Variants in ATXN7L1 observed in about 807,000 individuals in gnomAD.
ATXN7L1 encodes the protein ataxin-7-like protein 1.
Under a neutral mutation model 70.8 loss-of-function variants are expected in ATXN7L1, and 15 were observed. The observed-to-expected ratio is 0.21, with a 90% CI of 0.14 to 0.33. The LOEUF (loss-of-function observed/expected upper bound fraction) is 0.33. Ranked by LOEUF, ATXN7L1 falls within the 10% of genes least tolerant of loss-of-function variation. The probability of loss-of-function intolerance (pLI) is 1.00; values close to 1 mark genes in which losing one functional copy is unlikely to be tolerated. For missense variants in ATXN7L1, 975 were observed against 1,097.1 expected (o/e 0.89, Z 1.57); for synonymous variants, 440 against 445.1 (o/e 0.99, Z 0.14).
chr7:105,827,300 CA>C (rs763254950), intron 2 of ATXN7L1, among the ~76,000 whole-genome samples: 1 of 152,188 alleles, frequency 6.6e-6, no homozygotes, highest in African/African-American at 2.4e-5. Context: ...ATTCATTAAA[CA>C]TTTAAACCAT....
intron 2 of ATXN7L1, among the ~76,000 whole-genome samples, chr7:105,804,216 C>T (rs1169941599): frequency 6.6e-6 from 1 of 152,174 alleles, no homozygotes; most frequent in African/African-American, 2.4e-5. Context: ...CAGGTGATAG[C>T]CATGCTGAGA....
At position 105,619,148 on chromosome 7, in the gene ATXN7L1, T is replaced by TTTTTTTTTTTTTTTTTTG. The variant is rs1794412605; in HGVS notation, c.1517+1034_1517+1051dup. Among the ~76,000 whole-genome samples, 2 of 111,622 alleles carry TTTTTTTTTTTTTTTTTTG rather than the reference T, an allele frequency of 1.8e-5. 1 individual carries two copies. Among genetic ancestry groups the TTTTTTTTTTTTTTTTTTG allele is most frequent in the African/African-American group, 6.7e-5 (2 of 29,704 alleles). 73.2% of individuals were successfully genotyped at this position (111,622 alleles called of 152,430 possible). ...CCATAATGAAATCTTTAGTTTTTTT[T>TTTTTTTTTTTTTTTTTTG]TTTTTTTTTTTTTTTTTGAGACGGA... On this transcript the variant is annotated intron_variant, in intron 9 of 11. Transcript: ENST00000419735.
chr7:105,668,763 G>T (rs979157226), intron 3 of ATXN7L1, among the ~76,000 whole-genome samples: 1 of 152,032 alleles, frequency 6.6e-6, no homozygotes, highest in African/African-American at 2.4e-5. Context: ...GTAAGGCCAG[G>T]CATGGTGGCT....
At chr7:105,623,985 C>T (rs886326587) in intron 8 of ATXN7L1, 90 bp downstream of exon 8, 44 of 1,218,576 alleles carry the variant, frequency 3.6e-5, no homozygotes, top group African/African-American at 6.3e-5. Flanking sequence ...GCAGCCTTGC[C>T]TTAGGAAGGA....
intron 7 of ATXN7L1, among the ~76,000 whole-genome samples, chr7:105,637,109 G>A (rs183688646): frequency 2.0e-4 from 31 of 152,278 alleles, no homozygotes; most frequent in Admixed American, 6.5e-4. Flanking sequence ...GTAACGCCAC[G>A]ATGGTGAGCA....
intron 3 of ATXN7L1, among the ~76,000 whole-genome samples, chr7:105,680,112 A>G (rs1403963808): frequency 6.6e-6 from 1 of 152,144 alleles, no homozygotes; most frequent in African/African-American, 2.4e-5. Flanking sequence ...TTAAGACACA[A>G]AAGTATTCCA....
chr7:105,813,119 T>G (rs550282262), intron 2 of ATXN7L1, among the ~76,000 whole-genome samples: 1 of 152,226 alleles, frequency 6.6e-6, no homozygotes, highest in East Asian at 1.9e-4. Context: ...TACCTACTTG[T>G]ATGACTTCAT....
chr7:105,766,760 G>T (rs911054613), intron 3 of ATXN7L1, among the ~76,000 whole-genome samples: 1 of 152,198 alleles, frequency 6.6e-6, no homozygotes, highest in Non-Finnish European at 1.5e-5. Flanking sequence ...GGACAGTGCT[G>T]GAAGAGAATC....
chr7:105,621,811 C>T (rs1264689779), intron 8 of ATXN7L1, among the ~76,000 whole-genome samples: 1 of 152,216 alleles, frequency 6.6e-6, no homozygotes, highest in Non-Finnish European at 1.5e-5. Flanking sequence ...ATTCCACAAA[C>T]CCGTCCTGGA....
intron 3 of ATXN7L1, among the ~76,000 whole-genome samples, chr7:105,768,501 C>T (rs561668171): frequency 2.6e-5 from 4 of 152,310 alleles, no homozygotes; most frequent in East Asian, 1.9e-4. Flanking sequence ...TACTAACAAG[C>T]GACTCTAAGC....
intron 3 of ATXN7L1, among the ~76,000 whole-genome samples, chr7:105,740,787 T>TTTTTTTTTTTTTTTTTTTTTGGGGC (rs1797930812): frequency 1.3e-5 from 1 of 79,280 alleles, no homozygotes; most frequent in East Asian, 5.6e-4. Flanking sequence ...TTTTTTTTAA[T>TTTTTTTTTTTTTTTTTTTTTGGGGC]GGAGTCTCAC....
At chr7:105,811,201 A>C (rs1434125287) in intron 2 of ATXN7L1, among the ~76,000 whole-genome samples, 7 of 152,198 alleles carry the variant, frequency 4.6e-5, no homozygotes, top group Admixed American at 2.6e-4. Flanking sequence ...TACGACGAGG[A>C]GAAGAGACAC....
Position 105,721,559 on chromosome 7 carries a change from G to T in ATXN7L1, c.356-56271C>A, listed in dbSNP as rs150787867. On this transcript the variant is annotated intron_variant, in intron 3 of 11. Coordinates refer to ENST00000419735, the MANE Select transcript of ATXN7L1 (RefSeq NM_020725.2). The stretch of plus-strand genomic sequence containing the variant: ...CCACGCCTGAGGCTTTGCCACATGG[G>T]AAGTAGTCTCCTCCCAGGGCTCTGG... 4.1e-3 allele frequency among the ~76,000 whole-genome samples: 628 copies of T among 152,346 alleles called. 3 individuals carry two copies. Among genetic ancestry groups the T allele is most frequent in the African/African-American group, 0.014 (571 of 41,566 alleles).
Position 105,819,737 on chromosome 7 carries a change from G to A in ATXN7L1, c.251-31029C>T. On this transcript the variant is annotated intron_variant, in intron 2 of 11. Coordinates refer to ENST00000419735, the MANE Select transcript of ATXN7L1 (RefSeq NM_020725.2). ...GGGCCTCTAGCCGCACCTTCCGGCTGACCTCGAGGCATGTTGCCCCACAAG... is the reference window on the plus strand; with the variant it reads ...GGGCCTCTAGCCGCACCTTCCGGCTAACCTCGAGGCATGTTGCCCCACAAG... The A allele has an allele frequency of 1.0e-5, 8 of 772,892 alleles. 1 individual carries two copies. Among genetic ancestry groups the A allele is most frequent in the Middle Eastern group, 3.5e-4 (1 of 2,896 alleles). 47.9% of individuals were successfully genotyped at this position (772,892 alleles called of 1,614,324 possible).
intron 3 of ATXN7L1, among the ~76,000 whole-genome samples, chr7:105,773,970 C>T (rs1276921299): frequency 6.6e-6 from 1 of 152,128 alleles, no homozygotes; most frequent in African/African-American, 2.4e-5. Context: ...GGCTCACAAA[C>T]ATTACAAGCC....
Position 105,685,665 on chromosome 7 carries a change from A to C in ATXN7L1, c.356-20377T>G, listed in dbSNP as rs572316635. On this transcript the variant is annotated intron_variant, in intron 3 of 11. Transcript: ENST00000419735. ...CCCTTGTTGAGACCAGAACCTGAGT[A>C]TCAGCAGCAGGGAACCGGCAGGTGA... Among the ~76,000 whole-genome samples the C allele has an allele frequency of 1.2e-4, 19 of 152,304 alleles. No homozygotes were observed. The South Asian group carries it at 3.3e-3, about 27-fold the overall frequency.
intron 7 of ATXN7L1, among the ~76,000 whole-genome samples, chr7:105,628,401 T>C (rs913750387): frequency 2.6e-5 from 4 of 152,108 alleles, no homozygotes; most frequent in African/African-American, 4.8e-5. Flanking sequence ...AGTACAGGTA[T>C]ATGTAAGAAA....
chr7:105,706,154 C>T (rs1277446772), intron 3 of ATXN7L1, among the ~76,000 whole-genome samples: 1 of 152,040 alleles, frequency 6.6e-6, no homozygotes, highest in Non-Finnish European at 1.5e-5. Flanking sequence ...TATTTTTTAA[C>T]TTTAAGAGCA....
chr7:105,769,357 T>C (rs1801685396), intron 3 of ATXN7L1, among the ~76,000 whole-genome samples: 1 of 152,156 alleles, frequency 6.6e-6, no homozygotes, highest in African/African-American at 2.4e-5. Context: ...CCTCACGGTA[T>C]TCAAAAACAG....
Sources: gnomAD v4.1 joint callset for allele counts (sites outside exome capture counted in the v4.1 genomes callset) on GRCh38, gnomAD v4.1.1 for gene constraint, MANE v1.5 for transcripts, NCBI Gene and HGNC (gene_info 2026-07-23, HGNC 2026-07-21) for gene names.